Variants in DSCAM observed in about 807,000 individuals in gnomAD.
DSCAM encodes cell adhesion molecule DSCAM.
DSCAM carries 47 observed loss-of-function variants against 217.7 expected under a neutral mutation model. The ratio of observed to expected loss-of-function variants is 0.22; its 90% CI spans 0.17 to 0.28. The LOEUF is 0.28. Ranked by LOEUF, DSCAM falls within the 10% of genes least tolerant of loss-of-function variation. DSCAM has a pLI of 1.00. For missense variants in DSCAM, 2,080 were observed against 2,618.3 expected (o/e 0.79, Z 4.49); for synonymous variants, 1,056 against 1,015.3 (o/e 1.04, Z -0.76).
intron 16 of DSCAM, among the ~76,000 whole-genome samples, chr21:40,148,715 C>T (rs762198536): frequency 4.6e-5 from 7 of 152,042 alleles, no homozygotes; most frequent in Non-Finnish European, 8.8e-5. Flanking sequence ...CAAGCCACCA[C>T]CATCACTACT....
At chr21:40,704,589 C>T (rs2090692587) in intron 2 of DSCAM, among the ~76,000 whole-genome samples, 1 of 151,800 alleles carries the variant, frequency 6.6e-6, no homozygotes, top group Admixed American at 6.6e-5. Flanking sequence ...GGTGTGGTGA[C>T]TTATGCCTGT....
chr21:40,811,601 T>C (rs919482936), intron 1 of DSCAM, among the ~76,000 whole-genome samples: 2 of 152,206 alleles, frequency 1.3e-5, no homozygotes, highest in Non-Finnish European at 2.9e-5. Flanking sequence ...TGGTCCATGC[T>C]GGAGAAGCAG....
At chr21:40,536,898 G>T (rs1274867817) in intron 3 of DSCAM, among the ~76,000 whole-genome samples, 1 of 152,184 alleles carries the variant, frequency 6.6e-6, no homozygotes, top group African/African-American at 2.4e-5. Context: ...CAGCTTTGAA[G>T]GCCAGAGGCA....
chr21:40,570,131 C>T (rs1390266280), intron 3 of DSCAM, among the ~76,000 whole-genome samples: 1 of 152,156 alleles, frequency 6.6e-6, no homozygotes, highest in Non-Finnish European at 1.5e-5. Flanking sequence ...AAAGAGAATG[C>T]CCCAGAAACT....
chr21:40,835,242 G>T (rs1028401647), intron 1 of DSCAM, among the ~76,000 whole-genome samples: 4 of 152,054 alleles, frequency 2.6e-5, no homozygotes, highest in African/African-American at 9.7e-5. Flanking sequence ...CCCTTTCCGT[G>T]GCAGAAAGAT....
chr21:40,035,968 G>A lies in DSCAM; in HGVS notation c.5686+6403C>T, dbSNP rs1198853222. Among the ~76,000 whole-genome samples the A allele has an allele frequency of 1.5e-4, 22 of 147,780 alleles. 1 individual carries two copies. Among genetic ancestry groups the A allele is most frequent in the Non-Finnish European group, 2.8e-4 (19 of 67,678 alleles). On this transcript the variant is annotated intron_variant, in intron 32 of 32. Coordinates refer to ENST00000400454, the MANE Select transcript of DSCAM (RefSeq NM_001389.5). ...AATAAAGATGTTCTTTGAAACCAAC[G>A]AGAACAAAGACACAACATACCAGAA...
At chr21:40,220,913 G>A (rs186625308) in intron 11 of DSCAM, among the ~76,000 whole-genome samples, 24 of 152,246 alleles carry the variant, frequency 1.6e-4, no homozygotes, top group Admixed American at 9.8e-4. Context: ...CTTTTACAAC[G>A]TGTTGTCTGA....
intron 1 of DSCAM, among the ~76,000 whole-genome samples, chr21:40,760,009 TTA>T (rs1247751430): frequency 5.1e-5 from 6 of 118,254 alleles, no homozygotes; most frequent in Non-Finnish European, 1.1e-4. Flanking sequence ...ATTTATTTAT[TTA>T]TGAGACAGAG....
intron 3 of DSCAM, among the ~76,000 whole-genome samples, chr21:40,523,822 G>C (rs570126231): frequency 1.3e-5 from 2 of 151,812 alleles, no homozygotes; most frequent in African/African-American, 2.4e-5. Context: ...CACACACACT[G>C]GGGCCTCAGG....
In DSCAM at chr21:40,637,366, T is replaced by A. The variant is rs1230946211; in HGVS notation, c.508+55444A>T. Among the ~76,000 whole-genome samples, 51 of 34,430 alleles carry A rather than the reference T, an allele frequency of 1.5e-3. 1 individual carries two copies. The highest frequency in any genetic ancestry group is 2.5e-3 in the South Asian group (2 of 810). The allele number at this position is 34,430 out of a possible 152,430, so 22.6% of individuals were successfully genotyped here. On this transcript the variant is annotated intron_variant, in intron 3 of 32. Coordinates refer to ENST00000400454, the MANE Select transcript of DSCAM (RefSeq NM_001389.5). ...ATATATATAAATATAAATATATATA[T>A]AAATATATATAAATATAAATATATA...
At chr21:40,328,948 A>G (rs2074346605) in intron 8 of DSCAM, among the ~76,000 whole-genome samples, 1 of 152,254 alleles carries the variant, frequency 6.6e-6, no homozygotes. Context: ...AATGCAAACT[A>G]AAACCAAAAT....
At chr21:40,391,326 A>G (rs1193032914) in intron 3 of DSCAM, among the ~76,000 whole-genome samples, 1 of 152,206 alleles carries the variant, frequency 6.6e-6, no homozygotes, top group Admixed American at 6.5e-5. Flanking sequence ...AACATATAGA[A>G]ATCTGGAGGG....
chr21:40,446,121 T>G (rs1413822917), intron 3 of DSCAM, among the ~76,000 whole-genome samples: 3 of 152,188 alleles, frequency 2.0e-5, no homozygotes, highest in African/African-American at 7.2e-5. Context: ...CATCAAGAAG[T>G]GATGTCAAGA....
intron 3 of DSCAM, among the ~76,000 whole-genome samples, chr21:40,429,390 C>T (rs2075508611): frequency 6.6e-6 from 1 of 152,040 alleles, no homozygotes; most frequent in South Asian, 2.1e-4. Context: ...CCTCAGCCTC[C>T]CGAGTAGCTG....
chr21:40,441,373 A>T (rs2075628983), intron 3 of DSCAM, among the ~76,000 whole-genome samples: 1 of 152,148 alleles, frequency 6.6e-6, no homozygotes, highest in African/African-American at 2.4e-5. Context: ...ACCATGTGTG[A>T]GTTGTCATGT....
chr21:40,790,868 G>T (rs777736708), intron 1 of DSCAM, among the ~76,000 whole-genome samples: 6 of 152,104 alleles, frequency 3.9e-5, no homozygotes, highest in Non-Finnish European at 4.4e-5. Flanking sequence ...ACAGGGAAAA[G>T]GTCTTCATAG....
intron 3 of DSCAM, among the ~76,000 whole-genome samples, chr21:40,685,348 G>A (rs1158481170): frequency 6.6e-6 from 1 of 152,182 alleles, no homozygotes; most frequent in East Asian, 1.9e-4. Context: ...CACCCTTAGA[G>A]TGGCTCACTG....
intron 3 of DSCAM, among the ~76,000 whole-genome samples, chr21:40,427,296 C>T (rs11088516): frequency 0.072 from 11,033 of 152,230 alleles, 473 homozygotes; most frequent in African/African-American, 0.12. Flanking sequence ...GGGCATGAAC[C>T]CGTGTATCCC....
chr21:40,507,519 G>A (rs1321428488), intron 3 of DSCAM, among the ~76,000 whole-genome samples: 1 of 152,028 alleles, frequency 6.6e-6, no homozygotes, highest in African/African-American at 2.4e-5. Flanking sequence ...AGCTGGATGT[G>A]GTGACTCACA....
Sources: allele counts gnomAD v4.1 joint callset (sites outside exome capture counted in the v4.1 genomes callset), GRCh38; gene constraint gnomAD v4.1.1; transcripts MANE v1.5; gene names NCBI Gene and HGNC (gene_info 2026-07-23, HGNC 2026-07-21).